GRSF1: variants seen among roughly 807,000 people sequenced by gnomAD.
The protein encoded by GRSF1 is G-rich sequence factor 1.
GRSF1 carries 50 observed loss-of-function variants against 51.1 expected under a neutral mutation model. The observed-to-expected ratio is 0.98, with a 90% CI of 0.78 to 1.24. GRSF1 has a LOEUF of 1.24. Ranked by LOEUF, GRSF1 falls within the 50% of genes most tolerant of loss-of-function variation. GRSF1 has a pLI of 0.00. For missense variants in GRSF1, 700 were observed against 639.7 expected (o/e 1.09, Z -1.02); for synonymous variants, 293 against 253.3 (o/e 1.16, Z -1.49).
At chr4:70,831,801 A>G (rs1733981124) in intron 4 of GRSF1, 127 bp from the exon 5 acceptor site, 1 of 688,394 alleles carries the variant, frequency 1.5e-6, no homozygotes, top group South Asian at 2.3e-5. Context: ...CATGCTTGAC[A>G]GGAAGAAAAT....
At chr4:70,821,135 C>A (rs1179047402) in intron 9 of GRSF1, among the ~76,000 whole-genome samples, 1 of 152,078 alleles carries the variant, frequency 6.6e-6, no homozygotes, top group Non-Finnish European at 1.5e-5. Context: ...CCAAAAATAG[C>A]AACAGAAGAG....
upstream of GRSF1, among the ~76,000 whole-genome samples, chr4:70,843,106 C>A (rs747203780): frequency 6.6e-6 from 1 of 152,110 alleles, no homozygotes; most frequent in African/African-American, 2.4e-5. Flanking sequence ...TTATAAGAGG[C>A]CATTGGTTTG....
rs1211661575 is a variant in GRSF1 at position 70,816,514 on chromosome 4, A to C, written c.*4373T>G. On this transcript the variant is annotated 3_prime_UTR_variant, in exon 10 of 10. Transcript: ENST00000254799. ...CGAGGCAGGCAAATGACTGGAGGCCAGGAGTTCCAGACCAGCCTGGCCAAC... is the reference window on the plus strand; with the variant it reads ...CGAGGCAGGCAAATGACTGGAGGCCCGGAGTTCCAGACCAGCCTGGCCAAC... 6.6e-6 allele frequency: 1 copy of C among 152,120 alleles called. No homozygotes were observed. The highest frequency in any genetic ancestry group is 1.5e-5 in the Non-Finnish European group (1 of 68,050). The allele number at this position is 152,120 out of a possible 1,614,324, so 9.4% of individuals were successfully genotyped here.
intron 7 of GRSF1, 191 bp downstream of exon 7, chr4:70,825,933 A>C (rs868691271): frequency 9.4e-6 from 5 of 530,602 alleles, no homozygotes; most frequent in African/African-American, 7.8e-5. Flanking sequence ...CTCTGTCACA[A>C]AAAAAAGTAA....
intron 5 of GRSF1, among the ~76,000 whole-genome samples, chr4:70,830,385 T>G (rs1301088881): frequency 6.6e-6 from 1 of 150,532 alleles, no homozygotes; most frequent in African/African-American, 2.5e-5. Context: ...TTCAAGGCTG[T>G]AGTGAGCTAT....
rs1338681641 is a variant in GRSF1, at chr4:70,832,300, A to C, written c.814+7T>G. 6.2e-7 allele frequency: 1 copy of C among 1,612,260 alleles called. No individual in the cohort carries two copies. The highest frequency in any genetic ancestry group is 8.5e-7 in the Non-Finnish European group (1 of 1,178,812). ...GAGCTCCCAAGCATAATACAACTGC[A>C]AAGTACCTGCAAAGAAGTCTACAAT... On this transcript the variant is annotated splice_region_variant and intron_variant, in intron 4 of 9. Transcript: ENST00000254799.
At chr4:70,826,278 A>T in intron 6 of GRSF1, 33 bp from the exon 7 acceptor site, 1 of 1,564,056 alleles carries the variant, frequency 6.4e-7, no homozygotes, top group South Asian at 1.2e-5. Flanking sequence ...CTGTTAAAAC[A>T]TAACAGCTTC....
rs750191573 is a variant in GRSF1 at position 70,836,239 on chromosome 4, C to T, written c.433G>A (p.Glu145Lys). 6.2e-7 allele frequency: 1 copy of T among 1,610,474 alleles called. No individual in the cohort carries two copies. Reference sequence around the variant, plus strand: ...CGAATGAGAAAGACATCATCCACTTCCTCTTCTAACTTGGACGGGGCCAAT... The same window carrying T: ...CGAATGAGAAAGACATCATCCACTTTCTCTTCTAACTTGGACGGGGCCAAT... The part of the protein sequence containing the change: ...YELAPSKLEE[E>K]VDDVFLIRAQ... Residue 145 changes from glutamate to lysine, a missense_variant, in exon 2 of 10, where the codon GAA (glutamate) becomes AAA (lysine). Coordinates refer to ENST00000254799, the MANE Select transcript of GRSF1 (RefSeq NM_002092.4).
rs1407482631 is a variant in GRSF1, at chr4:70,824,274, G to A, written c.*25+20C>T. On this transcript the variant is annotated intron_variant, in intron 9 of 9. Transcript: ENST00000254799. ...TGTGAGCCACTGCACCCAGCCCACA[G>A]TATTACCTCTTAAATTTACCTTATT... 2 of 1,031,990 alleles carry A rather than the reference G, an allele frequency of 1.9e-6. No individual in the cohort carries two copies. The highest frequency in any genetic ancestry group is 2.0e-5 in the Admixed American group (1 of 50,670). The allele number at this position is 1,031,990 out of a possible 1,614,324, so 63.9% of individuals were successfully genotyped here. A position where few individuals can be genotyped will look rare whatever the true frequency, so the allele number is the denominator to read the frequency against.
chr4:70,839,608 C>T lies in GRSF1; in HGVS notation c.220G>A (p.Gly74Arg). ...RGLQTGPVPP[G>R]RLAGPPAVAT... is the part of the protein sequence containing the mutation. ...ACAGCGGGAGGCCCCGCCAGCCTCC[C>T]GGGAGGCACAGGCCCGGTCTGGAGG... Residue 74 changes from glycine to arginine, a missense_variant, in exon 1 of 10, where the codon GGG becomes AGG. Physicochemically the swap from Gly to Arg is moderately radical, Grantham distance 125 (BLOSUM62 -2). Coordinates refer to ENST00000254799, the MANE Select transcript of GRSF1 (RefSeq NM_002092.4). The T allele has an allele frequency of 2.1e-6, 3 of 1,408,772 alleles. No homozygotes were observed. The highest frequency in any genetic ancestry group is 3.1e-5 in the Admixed American group (1 of 32,590). The allele number at this position is 1,408,772 out of a possible 1,614,324, so 87.3% of individuals were successfully genotyped here.
Position 70,831,678 on chromosome 4 carries a change from G to A in GRSF1, c.815-4C>T, listed in dbSNP as rs769218705. ...GTAATGTCAACTATATTCAGTCCTA[G>A]GACACCAAGAGATTTTAATGCTACT... On this transcript the variant is annotated splice_region_variant and splice_polypyrimidine_tract_variant and intron_variant, in intron 4 of 9. Coordinates refer to ENST00000254799, the MANE Select transcript of GRSF1 (RefSeq NM_002092.4). 6.2e-7 allele frequency: 1 copy of A among 1,604,354 alleles called. No homozygotes were observed. Among genetic ancestry groups the A allele is most frequent in the Non-Finnish European group, 8.5e-7 (1 of 1,176,468 alleles).
Position 70,816,668 on chromosome 4 carries a change from G to A in GRSF1, c.*4219C>T, listed in dbSNP as rs1733321936. On this transcript the variant is annotated 3_prime_UTR_variant, in exon 10 of 10. Coordinates refer to ENST00000254799, the MANE Select transcript of GRSF1 (RefSeq NM_002092.4). ...GAAACTGGGAGGTGGAGGCTGTAATGAGCTGGGATCACGTCACTATAACTC... is the reference window on the plus strand; with the variant it reads ...GAAACTGGGAGGTGGAGGCTGTAATAAGCTGGGATCACGTCACTATAACTC... 6.6e-6 allele frequency: 1 copy of A among 152,246 alleles called. No individual in the cohort carries two copies. The highest frequency in any genetic ancestry group is 2.4e-5 in the African/African-American group (1 of 41,440). The allele number at this position is 152,246 out of a possible 1,614,324, so 9.4% of individuals were successfully genotyped here.
At chr4:70,831,925 T>G (rs1733991256) in intron 4 of GRSF1, among the ~76,000 whole-genome samples, 1 of 151,820 alleles carries the variant, frequency 6.6e-6, no homozygotes, top group Admixed American at 6.6e-5. Context: ...TTTTTTTTTT[T>G]TTGCTGTTAA....
Position 70,839,620 on chromosome 4 carries a change from G to A in GRSF1, c.208C>T (p.Pro70Ser). Residue 70 changes from proline to serine, a missense_variant, in exon 1 of 10, where the codon CCT becomes TCT. Transcript: ENST00000254799. ...CCCGCCAGCCTCCCGGGAGGCACAG[G>A]CCCGGTCTGGAGGCCACGCGTCTGG... ...ASQTRGLQTG[P>S]VPPGRLAGPP... 2.8e-6 allele frequency: 4 copies of A among 1,407,314 alleles called. No individual in the cohort carries two copies. Among genetic ancestry groups the A allele is most frequent in the Non-Finnish European group, 1.8e-6 (2 of 1,090,314 alleles). 87.2% of individuals were successfully genotyped at this position (1,407,314 alleles called of 1,614,324 possible). A position where few individuals can be genotyped will look rare whatever the true frequency, so the allele number is the denominator to read the frequency against.
At chr4:70,836,094 TA>T in intron 2 of GRSF1, 63 bp downstream of exon 2, 2 of 959,940 alleles carry the variant, frequency 2.1e-6, no homozygotes, top group Non-Finnish European at 2.9e-6. Flanking sequence ...AAAACATACA[TA>T]CCTGCTTGTG....
intron 5 of GRSF1, 42 bp downstream of exon 5, chr4:70,831,497 A>C: frequency 1.3e-6 from 2 of 1,565,664 alleles, no homozygotes; most frequent in Non-Finnish European, 8.7e-7. Flanking sequence ...AAAATGACTT[A>C]ATGTGTAACA....
At chr4:70,840,140 T>C (rs1230917928), upstream of GRSF1, among the ~76,000 whole-genome samples, 6 of 43,138 alleles carry the variant, frequency 1.4e-4, no homozygotes, top group South Asian at 4.7e-3. Context: ...GCCCATGGTT[T>C]GGGCGGGGCT....
intron 1 of GRSF1, among the ~76,000 whole-genome samples, chr4:70,837,840 A>G (rs1734279483): frequency 6.6e-6 from 1 of 151,072 alleles, no homozygotes; most frequent in East Asian, 2.0e-4. Flanking sequence ...GAGTTTCACC[A>G]TGTTGGTTAG....
chr4:70,819,890 T>A lies in GRSF1; in HGVS notation c.*997A>T, dbSNP rs1162727137. The A allele has an allele frequency of 6.5e-6, 1 of 152,690 alleles. No individual in the cohort carries two copies. Among genetic ancestry groups the A allele is most frequent in the Non-Finnish European group, 1.5e-5 (1 of 68,042 alleles). The allele number at this position is 152,690 out of a possible 1,614,324, so 9.5% of individuals were successfully genotyped here. Reference sequence around the variant, plus strand: ...AAGTACTGCCACATTGTGACAGAAGTACAGCTTTATCCATAAACCCTTCAC... The same window carrying A: ...AAGTACTGCCACATTGTGACAGAAGAACAGCTTTATCCATAAACCCTTCAC... On this transcript the variant is annotated 3_prime_UTR_variant, in exon 10 of 10. Coordinates refer to ENST00000254799, the MANE Select transcript of GRSF1 (RefSeq NM_002092.4).
Sources: gnomAD v4.1 joint callset for allele counts (sites outside exome capture counted in the v4.1 genomes callset) on GRCh38, gnomAD v4.1.1 for gene constraint, MANE v1.5 for transcripts, NCBI Gene and HGNC (gene_info 2026-07-23, HGNC 2026-07-21) for gene names.